PKIG: variants seen among roughly 807,000 people sequenced by gnomAD.
PKIG encodes the protein protein kinase (cAMP-dependent, catalytic) inhibitor gamma.
In PKIG, 1 loss-of-function variant was observed where a neutral mutation model predicts 6.8. That is an observed-to-expected ratio of 0.15 (90% CI 0.05 to 0.69). The LOEUF is 0.69. Ranked by LOEUF, PKIG falls within the 30% of genes least tolerant of loss-of-function variation. PKIG has a pLI of 0.82. For missense variants in PKIG, 77 were observed against 104.0 expected, an observed-to-expected ratio of 0.74 and a Z score of 1.13; for synonymous variants, 39 against 43.0, an observed-to-expected ratio of 0.91 and a Z score of 0.36.
intron 1 of PKIG, among the ~76,000 whole-genome samples, chr20:44,557,447 AC>A (rs2123222600): frequency 6.7e-6 from 1 of 148,284 alleles, no homozygotes; most frequent in African/African-American, 2.5e-5. Flanking sequence ...AATTGCGTGA[AC>A]CTGGGAGGCA....
chr20:44,571,711 C>A (rs1017515120), intron 1 of PKIG, among the ~76,000 whole-genome samples: 12 of 152,216 alleles, frequency 7.9e-5, no homozygotes, highest in Admixed American at 2.6e-4. Context: ...CTGGTTTTTC[C>A]AAACAAATTC....
intron 2 of PKIG, among the ~76,000 whole-genome samples, chr20:44,601,079 G>C (rs2065117804): frequency 6.6e-6 from 1 of 152,166 alleles, no homozygotes; most frequent in Non-Finnish European, 1.5e-5. Flanking sequence ...AGGCCCAAAG[G>C]GTGTGGTGTC....
rs948520692 is a variant in PKIG at position 44,592,985 on chromosome 20, A to G, written c.-24+3119A>G. On this transcript the variant is annotated intron_variant, in intron 2 of 3. Coordinates refer to ENST00000372886, the MANE Select transcript of PKIG (RefSeq NM_001281445.2). ...TCCTATGAAACCATGAAAGACCCCA[A>G]ATTACTAAGGCAATCTTGAGCAAGA... is the stretch of plus-strand genomic sequence containing the variant. Among the ~76,000 whole-genome samples the G allele has an allele frequency of 2.0e-5, 3 of 152,088 alleles. No homozygotes were observed. The South Asian group carries it at 6.2e-4, about 32-fold the overall frequency.
upstream of PKIG, among the ~76,000 whole-genome samples, chr20:44,582,135 C>T (rs2064953648): frequency 6.6e-6 from 1 of 151,978 alleles, no homozygotes; most frequent in Admixed American, 6.6e-5. Context: ...ACCTAGGAGA[C>T]CTGGGAGAAA....
At chr20:44,610,529 C>A (rs1021144720) in intron 2 of PKIG, among the ~76,000 whole-genome samples, 1 of 150,970 alleles carries the variant, frequency 6.6e-6, no homozygotes, top group South Asian at 2.1e-4. Context: ...CACACACACA[C>A]CTGCAGCACT....
chr20:44,543,343 C>G lies in PKIG; in HGVS notation c.-241+11365C>G, dbSNP rs561160827. 2.6e-5 allele frequency among the ~76,000 whole-genome samples: 4 copies of G among 151,030 alleles called. No individual in the cohort carries two copies. The South Asian group carries it at 8.4e-4, about 32-fold the overall frequency. On this transcript the variant is annotated intron_variant, in intron 1 of 4. Transcript: ENST00000372887. ...TTTTTTTTTTTTGCAAAAACCTGTT[C>G]AAAAAGCACTTCTAAAATAACTCAA...
intron 1 of PKIG, among the ~76,000 whole-genome samples, chr20:44,545,485 G>A (rs1233615261): frequency 6.6e-6 from 1 of 152,024 alleles, no homozygotes; most frequent in Non-Finnish European, 1.5e-5. Flanking sequence ...TCAAATTAGG[G>A]GTGGAAGAGA....
chr20:44,583,242 C>T (rs549660943), intron 1 of PKIG, among the ~76,000 whole-genome samples: 1 of 152,134 alleles, frequency 6.6e-6, no homozygotes, highest in East Asian at 1.9e-4. Context: ...CACATATAAA[C>T]CCAGTGCTGC....
intron 1 of PKIG, among the ~76,000 whole-genome samples, chr20:44,589,166 CATAA>C (rs1354962835): frequency 1.3e-5 from 2 of 150,534 alleles, no homozygotes; most frequent in East Asian, 3.9e-4. Flanking sequence ...TTTTTCTAAA[CATAA>C]ATAATCATGT....
At chr20:44,583,099 T>C (rs2064961857) in intron 1 of PKIG, among the ~76,000 whole-genome samples, 1 of 152,174 alleles carries the variant, frequency 6.6e-6, no homozygotes, top group Non-Finnish European at 1.5e-5. Context: ...ACAAAGGTGG[T>C]ATAATAATTT....
At chr20:44,612,415 A>G (rs181706496) in intron 2 of PKIG, among the ~76,000 whole-genome samples, 4 of 152,250 alleles carry the variant, frequency 2.6e-5, no homozygotes, top group East Asian at 1.9e-4. Flanking sequence ...CCACTGGACT[A>G]TGAACTCCTA....
intron 1 of PKIG, among the ~76,000 whole-genome samples, chr20:44,545,314 C>T (rs770485443): frequency 6.6e-5 from 10 of 151,812 alleles, no homozygotes; most frequent in Non-Finnish European, 1.5e-4. Context: ...TGGGTTTGTT[C>T]CCCAGCCTGT....
chr20:44,617,984 G>A (rs1217775491), intron 3 of PKIG, among the ~76,000 whole-genome samples: 1 of 151,714 alleles, frequency 6.6e-6, no homozygotes, highest in East Asian at 1.9e-4. Context: ...CTCCCTCTGG[G>A]GAACCTGCAC....
chr20:44,614,367 G>A lies in PKIG; in HGVS notation c.-23-167G>A, dbSNP rs534090324. 7.4e-6 allele frequency: 4 copies of A among 543,738 alleles called. No homozygotes were observed. Among genetic ancestry groups the A allele is most frequent in the Non-Finnish European group, 1.3e-5 (4 of 307,252 alleles). 33.7% of individuals were successfully genotyped at this position (543,738 alleles called of 1,614,324 possible). A position where few individuals can be genotyped will look rare whatever the true frequency, so the allele number is the denominator to read the frequency against. ...GGTGGTTGTCTGGGTGTGGAATTAT[G>A]AGTGACTTGTTTTGTTCTTTGTACT... On this transcript the variant is annotated intron_variant, in intron 2 of 3. Coordinates refer to ENST00000372886, the MANE Select transcript of PKIG (RefSeq NM_001281445.2). This position sits in a 1 kb window ranked among gnomAD's most constrained non-coding sequence, Gnocchi z 4.6.
intron 3 of PKIG, among the ~76,000 whole-genome samples, chr20:44,615,934 C>T (rs1326507312): frequency 3.3e-5 from 5 of 152,030 alleles, no homozygotes; most frequent in Non-Finnish European, 4.4e-5. Flanking sequence ...AGCACCCTGT[C>T]GACGGAACCC....
chr20:44,556,486 C>T (rs940601674), intron 1 of PKIG, among the ~76,000 whole-genome samples: 3 of 152,098 alleles, frequency 2.0e-5, no homozygotes, highest in African/African-American at 7.2e-5. Context: ...TCTCAGCCTT[C>T]TGAGTAGCTG....
intron 1 of PKIG, among the ~76,000 whole-genome samples, chr20:44,532,775 G>A (rs897114655): frequency 1.3e-5 from 2 of 152,216 alleles, no homozygotes; most frequent in Non-Finnish European, 2.9e-5. Flanking sequence ...ATGTTGGCCA[G>A]AAGATGAGGC....
At chr20:44,546,218 C>A (rs1290114805) in intron 1 of PKIG, among the ~76,000 whole-genome samples, 1 of 152,016 alleles carries the variant, frequency 6.6e-6, no homozygotes, top group Non-Finnish European at 1.5e-5. Flanking sequence ...CCATTGCAGT[C>A]CAGCATGGGT....
intron 1 of PKIG, among the ~76,000 whole-genome samples, chr20:44,538,116 C>T (rs1005822481): frequency 2.6e-5 from 4 of 152,084 alleles, no homozygotes; most frequent in Non-Finnish European, 5.9e-5. Flanking sequence ...TTTGGAGGGT[C>T]CAGATGGATT....
Sources: gnomAD v4.1 joint callset for allele counts (sites outside exome capture counted in the v4.1 genomes callset) on GRCh38, gnomAD v4.1.1 for gene constraint, Gnocchi (gnomAD v3.1) non-coding constraint, MANE v1.5 for transcripts, NCBI Gene and HGNC (gene_info 2026-07-23, HGNC 2026-07-21) for gene names.